Variants in CLSTN2 observed in about 807,000 individuals in gnomAD.
CLSTN2 encodes calsyntenin-2.
In CLSTN2, 48 loss-of-function variants were observed where a neutral mutation model predicts 101.2. That is an observed-to-expected ratio of 0.47 (90% CI 0.38 to 0.60). CLSTN2 has a LOEUF of 0.60. Ranked by LOEUF, CLSTN2 falls within the 20% of genes least tolerant of loss-of-function variation. The pLI, the probability that CLSTN2 is intolerant of heterozygous loss-of-function variation, is 0.00. For synonymous variants in CLSTN2, 481 were observed against 463.6 expected (o/e 1.04, Z -0.48); for missense variants, 1,160 against 1,238.2 (o/e 0.94, Z 0.95).
intron 1 of CLSTN2, among the ~76,000 whole-genome samples, chr3:139,959,419 A>G (rs1185339919): frequency 6.6e-6 from 1 of 152,196 alleles, no homozygotes; most frequent in Admixed American, 6.5e-5. Flanking sequence ...ATGATACATA[A>G]TCACCAGATT....
In CLSTN2 at chr3:140,568,105, T is replaced by C. The variant is rs1397751593; in HGVS notation, c.*1852T>C. ...TCTTGTTCAGAGTCATTCAAAAGTA[T>C]AGACAAGACCAGTCTCCCCAACTTC... On this transcript the variant is annotated 3_prime_UTR_variant, in exon 17 of 17. Transcript: ENST00000458420. 2 of 152,216 alleles carry C rather than the reference T, an allele frequency of 1.3e-5. No homozygotes were observed. Among genetic ancestry groups the C allele is most frequent in the Non-Finnish European group, 2.9e-5 (2 of 68,044 alleles). The allele number at this position is 152,216 out of a possible 1,614,324, so 9.4% of individuals were successfully genotyped here. A position where few individuals can be genotyped will look rare whatever the true frequency, so the allele number is the denominator to read the frequency against.
At chr3:140,109,704 G>A (rs1261732497) in intron 1 of CLSTN2, among the ~76,000 whole-genome samples, 2 of 152,168 alleles carry the variant, frequency 1.3e-5, no homozygotes, top group African/African-American at 4.8e-5. Flanking sequence ...GGTTGGTAGA[G>A]AGGGCAACTC....
At chr3:140,511,924 C>T (rs779701095) in intron 8 of CLSTN2, among the ~76,000 whole-genome samples, 2 of 151,890 alleles carry the variant, frequency 1.3e-5, no homozygotes, top group African/African-American at 2.4e-5. Flanking sequence ...TGTTTGTTGG[C>T]CACAAGTATG....
chr3:140,171,791 A>AATATATATAATATGTATTATAAAAT (rs34903884), intron 1 of CLSTN2, among the ~76,000 whole-genome samples: 62 of 106,150 alleles, frequency 5.8e-4, no homozygotes, highest in African/African-American at 2.2e-3. Context: ...TATAATATAT[A>AATATATATAATATGTATTATAAAAT]ATATATAATA....
chr3:140,150,386 G>A lies in CLSTN2; in HGVS notation c.110-25565G>A, dbSNP rs142957066. Among the ~76,000 whole-genome samples, 282 of 152,216 alleles carry A rather than the reference G, an allele frequency of 1.9e-3. 2 individuals are homozygous for A. Among genetic ancestry groups the A allele is most frequent in the African/African-American group, 6.6e-3 (273 of 41,526 alleles). On this transcript the variant is annotated intron_variant, in intron 1 of 16. Transcript: ENST00000458420. ...AAATGGAAATGACATCTACATCATT[G>A]GATTGTTGTGAGTTTTCAAAGTATA...
chr3:140,009,718 A>T (rs527661567), intron 1 of CLSTN2, among the ~76,000 whole-genome samples: 1 of 152,360 alleles, frequency 6.6e-6, no homozygotes, highest in South Asian at 2.1e-4. Context: ...TGCTGCAACA[A>T]AAAAGTTCTT....
chr3:140,365,875 A>G (rs1430541133), intron 2 of CLSTN2, among the ~76,000 whole-genome samples: 1 of 152,192 alleles, frequency 6.6e-6, no homozygotes, highest in African/African-American at 2.4e-5. Flanking sequence ...AAATCGAGGA[A>G]CAACCCCACA....
At chr3:140,217,216 G>C (rs144580895) in intron 2 of CLSTN2, among the ~76,000 whole-genome samples, 154 of 151,382 alleles carry the variant, frequency 1.0e-3, no homozygotes, top group African/African-American at 3.7e-3. Context: ...TACCAGTGTA[G>C]TTTCACATCC....
intron 1 of CLSTN2, among the ~76,000 whole-genome samples, chr3:140,139,195 A>C (rs574736065): frequency 6.6e-4 from 101 of 152,260 alleles, no homozygotes; most frequent in African/African-American, 2.3e-3. Flanking sequence ...TGCATTGTAG[A>C]GAACCAGGGC....
At chr3:140,092,406 T>C (rs939888075) in intron 1 of CLSTN2, among the ~76,000 whole-genome samples, 6 of 152,188 alleles carry the variant, frequency 3.9e-5, no homozygotes, top group Non-Finnish European at 7.4e-5. Context: ...GTTCACTAAA[T>C]TGTACTCAGT....
chr3:140,135,371 A>T (rs1241330641), intron 1 of CLSTN2, among the ~76,000 whole-genome samples: 1 of 152,056 alleles, frequency 6.6e-6, no homozygotes, highest in South Asian at 2.1e-4. Context: ...GCAAGTTTCT[A>T]TCACACTTTT....
chr3:140,235,542 G>A (rs902388799), intron 2 of CLSTN2, among the ~76,000 whole-genome samples: 4 of 152,180 alleles, frequency 2.6e-5, no homozygotes, highest in African/African-American at 9.7e-5. Context: ...TCCTCCCGTG[G>A]GTCTGAGTGG....
intron 8 of CLSTN2, among the ~76,000 whole-genome samples, chr3:140,480,312 A>G (rs976701629): frequency 1.3e-5 from 2 of 152,132 alleles, no homozygotes; most frequent in African/African-American, 4.8e-5. Flanking sequence ...TCCATGGTGT[A>G]TATGTGCCAC....
At chr3:140,242,941 C>A (rs931976003) in intron 2 of CLSTN2, among the ~76,000 whole-genome samples, 4 of 152,250 alleles carry the variant, frequency 2.6e-5, no homozygotes, top group African/African-American at 9.6e-5. Flanking sequence ...GGCTACTGCA[C>A]TTCCTATGTG....
Position 139,999,379 on chromosome 3 carries a change from A to G in CLSTN2, c.109+63896A>G, listed in dbSNP as rs545358880. ...AGTATTTGGTTTTTAGTTTGAGTGT[A>G]AATTTGTCCAGGGTGAAGTTTTCTA... On this transcript the variant is annotated intron_variant, in intron 1 of 16. Transcript: ENST00000458420. Among the ~76,000 whole-genome samples, 29 of 152,148 alleles carry G rather than the reference A, an allele frequency of 1.9e-4. No individual in the cohort carries two copies. The South Asian group carries it at 6.0e-3, about 32-fold the overall frequency.
At chr3:140,431,562 C>T (rs891293076) in intron 5 of CLSTN2, among the ~76,000 whole-genome samples, 5 of 152,198 alleles carry the variant, frequency 3.3e-5, no homozygotes, top group Admixed American at 2.0e-4. Flanking sequence ...TGAATCTCTC[C>T]TCTTTATCAA....
At chr3:140,535,785 G>A (rs989850818) in intron 9 of CLSTN2, among the ~76,000 whole-genome samples, 1 of 152,186 alleles carries the variant, frequency 6.6e-6, no homozygotes, top group Admixed American at 6.5e-5. Flanking sequence ...ACCCAAAGTT[G>A]CTCAATTGAA....
intron 1 of CLSTN2, among the ~76,000 whole-genome samples, chr3:140,093,391 AC>A (rs748550004): frequency 6.6e-6 from 1 of 151,364 alleles, no homozygotes; most frequent in Admixed American, 6.6e-5. Context: ...GTTTCATCCT[AC>A]CCCCCAGTTA....
chr3:140,126,902 ATC>A (rs1203272877), intron 1 of CLSTN2, among the ~76,000 whole-genome samples: 1 of 152,108 alleles, frequency 6.6e-6, no homozygotes, highest in Non-Finnish European at 1.5e-5. Context: ...GCTGTAACCC[ATC>A]GTGGGGTGGG....
Sources: allele counts gnomAD v4.1 joint callset (sites outside exome capture counted in the v4.1 genomes callset), GRCh38; gene constraint gnomAD v4.1.1; transcripts MANE v1.5; gene names NCBI Gene and HGNC (gene_info 2026-07-23, HGNC 2026-07-21).